The following PLCB1 variants were observed in gnomAD, a reference collection of about 807,000 sequenced individuals.
PLCB1 encodes the protein phospholipase C beta 1.
In PLCB1, 46 loss-of-function variants were observed where a neutral mutation model predicts 161.8. That is an observed-to-expected ratio of 0.28 (90% CI 0.22 to 0.36). The LOEUF (loss-of-function observed/expected upper bound fraction) is 0.36, where lower values mean the gene tolerates loss of function less well. Among genes scored for constraint, PLCB1 ranks in the 10% least tolerant of loss-of-function variants. The probability of loss-of-function intolerance (pLI) is 1.00; values close to 1 mark genes in which losing one functional copy is unlikely to be tolerated. For missense variants in PLCB1, 1,016 were observed against 1,472.5 expected, an observed-to-expected ratio of 0.69 and a Z score of 5.07; for synonymous variants, 517 against 503.7, an observed-to-expected ratio of 1.03 and a Z score of -0.35.
chr20:8,372,345 A>G (rs1032258180), intron 3 of PLCB1, among the ~76,000 whole-genome samples: 1 of 152,176 alleles, frequency 6.6e-6, no homozygotes, highest in African/African-American at 2.4e-5. Flanking sequence ...TGCTTTGGAG[A>G]TGCAAGAAAA....
chr20:8,508,799 T>C (rs1983753494), intron 3 of PLCB1, among the ~76,000 whole-genome samples: 1 of 152,000 alleles, frequency 6.6e-6, no homozygotes, highest in South Asian at 2.1e-4. Context: ...TATATATATA[T>C]ATATGAATTA....
intron 23 of PLCB1, 75 bp downstream of exon 23, chr20:8,741,648 A>G: frequency 1.2e-6 from 1 of 864,834 alleles, no homozygotes; most frequent in South Asian, 1.4e-5. Flanking sequence ...TGCCTAAGTA[A>G]TATCACATAC....
At position 8,417,402 on chromosome 20, in the gene PLCB1, T is replaced by C. The variant is rs572670030; in HGVS notation, c.246+45952T>C. Among the ~76,000 whole-genome samples the C allele has an allele frequency of 2.0e-5, 3 of 151,788 alleles. No individual in the cohort carries two copies. In the South Asian group the frequency reaches 6.2e-4, roughly 32 times the overall value. ...CACACATATATATGTATATAACAAA[T>C]CAAATTTGATCTTAGCACTAGGACT... On this transcript the variant is annotated intron_variant, in intron 3 of 31. Transcript: ENST00000338037.
At chr20:8,691,787 T>A (rs897745657) in intron 10 of PLCB1, among the ~76,000 whole-genome samples, 6 of 152,140 alleles carry the variant, frequency 3.9e-5, no homozygotes, top group Non-Finnish European at 7.4e-5. Flanking sequence ...AAAAATAAAT[T>A]GTATCATTGA....
At chr20:8,849,774 G>A (rs1275588968) in intron 31 of PLCB1, among the ~76,000 whole-genome samples, 1 of 152,094 alleles carries the variant, frequency 6.6e-6, no homozygotes, top group Non-Finnish European at 1.5e-5. Context: ...CAGCACTTTG[G>A]GAGGCCAAGG....
chr20:8,363,903 T>C (rs981677930), intron 2 of PLCB1, among the ~76,000 whole-genome samples: 1 of 152,216 alleles, frequency 6.6e-6, no homozygotes, highest in Admixed American at 6.5e-5. Context: ...TTGCAAAGAC[T>C]AATGAGATAA....
At chr20:8,307,802 A>G (rs1239383369) in intron 2 of PLCB1, among the ~76,000 whole-genome samples, 1 of 151,374 alleles carries the variant, frequency 6.6e-6, no homozygotes, top group Non-Finnish European at 1.5e-5. Context: ...CGCGCCTGTA[A>G]TCCCAGCTAC....
intron 3 of PLCB1, among the ~76,000 whole-genome samples, chr20:8,381,887 G>GA (rs1402864877): frequency 3.3e-5 from 5 of 150,552 alleles, no homozygotes; most frequent in Admixed American, 1.3e-4. Context: ...ATTTTTTCGG[G>GA]AAAAAAAGAA....
Position 8,624,588 on chromosome 20 carries a change from T to C in PLCB1, c.247-3706T>C, listed in dbSNP as rs575296867. On this transcript the variant is annotated intron_variant, in intron 3 of 31. Transcript: ENST00000338037. ...CATTAATTTTGAATATTTTAAATGATATAATGCAGTAACACATGCTGTAAT... is the reference window on the plus strand; with the variant it reads ...CATTAATTTTGAATATTTTAAATGACATAATGCAGTAACACATGCTGTAAT... Among the ~76,000 whole-genome samples, 18 of 152,336 alleles carry C rather than the reference T, an allele frequency of 1.2e-4. 1 individual carries two copies. The South Asian group carries it at 3.7e-3, about 32-fold the overall frequency.
At chr20:8,359,353 G>A (rs1986466052) in intron 2 of PLCB1, among the ~76,000 whole-genome samples, 1 of 151,986 alleles carries the variant, frequency 6.6e-6, no homozygotes, top group African/African-American at 2.4e-5. Context: ...GTTATGGATA[G>A]TTTTTTTATT....
chr20:8,730,047 G>A (rs774808846), intron 18 of PLCB1: 7 of 151,832 alleles, frequency 4.6e-5, no homozygotes, highest in African/African-American at 7.3e-5. Flanking sequence ...CTGCTTTTAT[G>A]AATTACATAT....
At chr20:8,336,712 A>G (rs1031543378) in intron 2 of PLCB1, among the ~76,000 whole-genome samples, 8 of 152,110 alleles carry the variant, frequency 5.3e-5, no homozygotes, top group African/African-American at 1.7e-4. Flanking sequence ...GGATAAAATA[A>G]CCCTAAATTT....
In PLCB1 at chr20:8,132,605, G is replaced by A. The variant is rs769263328; in HGVS notation, c.-47G>A. The A allele has an allele frequency of 5.0e-6, 7 of 1,400,386 alleles. No individual in the cohort carries two copies. 86.7% of individuals were successfully genotyped at this position (1,400,386 alleles called of 1,614,324 possible). On this transcript the variant is annotated 5_prime_UTR_variant, in exon 1 of 32. Transcript: ENST00000338037. This position sits in a 1 kb window ranked among gnomAD's most constrained non-coding sequence, Gnocchi z 5.2. ...CCCCGCGCCCCGCGCACGGTCCCCA[G>A]TCCCTGCCGCGCTCGCCCGGGCCGC... is the stretch of plus-strand genomic sequence containing the variant.
intron 10 of PLCB1, among the ~76,000 whole-genome samples, chr20:8,689,024 AGT>A (rs1990416295): frequency 6.6e-6 from 1 of 150,980 alleles, no homozygotes; most frequent in African/African-American, 2.4e-5. Context: ...TTATTTCAGC[AGT>A]GTTTTGTAGT....
intron 3 of PLCB1, among the ~76,000 whole-genome samples, chr20:8,566,547 G>A (rs147800545): frequency 1.1e-4 from 16 of 152,178 alleles, no homozygotes; most frequent in African/African-American, 3.6e-4. Context: ...CATTTCTGTT[G>A]GGCATCTTTT....
At chr20:8,290,286 A>T (rs1272238542) in intron 2 of PLCB1, among the ~76,000 whole-genome samples, 1 of 152,130 alleles carries the variant, frequency 6.6e-6, no homozygotes, top group Non-Finnish European at 1.5e-5. Context: ...CGAGACAAGG[A>T]CTCTGAATGC....
At chr20:8,178,035 T>C (rs1237967224) in intron 2 of PLCB1, among the ~76,000 whole-genome samples, 1 of 152,194 alleles carries the variant, frequency 6.6e-6, no homozygotes, top group Non-Finnish European at 1.5e-5. Flanking sequence ...TCTCACTCTT[T>C]TTTATGGCTG....
intron 31 of PLCB1, among the ~76,000 whole-genome samples, chr20:8,832,459 A>G (rs1436407398): frequency 6.6e-6 from 1 of 152,250 alleles, no homozygotes; most frequent in East Asian, 1.9e-4. Flanking sequence ...TATAGAGACT[A>G]GCATCAGGAA....
At chr20:8,220,054 G>A (rs1301238254) in intron 2 of PLCB1, among the ~76,000 whole-genome samples, 1 of 152,112 alleles carries the variant, frequency 6.6e-6, no homozygotes, top group Non-Finnish European at 1.5e-5. Context: ...TATTTGTGGG[G>A]TGGTGGATTT....
Sources: allele counts gnomAD v4.1 joint callset (sites outside exome capture counted in the v4.1 genomes callset), GRCh38; gene constraint gnomAD v4.1.1; non-coding constraint Gnocchi (gnomAD v3.1); transcripts MANE v1.5; gene names NCBI Gene and HGNC (gene_info 2026-07-23, HGNC 2026-07-21).